Variants in COMMD7 observed in about 807,000 individuals in gnomAD.
COMMD7 encodes the protein COMM domain-containing protein 7.
Under a neutral mutation model 34.8 loss-of-function variants are expected in COMMD7, and 28 were observed. The ratio of observed to expected loss-of-function variants is 0.80; its 90% confidence interval spans 0.60 to 1.10. COMMD7 has a LOEUF of 1.10. COMMD7 is among the 50% of genes least tolerant of loss of function. The pLI is 0.00. For synonymous variants in COMMD7, 80 were observed against 86.4 expected (o/e 0.93, Z 0.41); for missense variants, 211 against 241.6 (o/e 0.87, Z 0.84).
chr20:32,710,069 T>TAG (rs1210761984), intron 3 of COMMD7, among the ~76,000 whole-genome samples: 1 of 151,622 alleles, frequency 6.6e-6, no homozygotes, highest in Admixed American at 6.6e-5. Flanking sequence ...TTTCTAGAGA[T>TAG]AGAGTCTCAC....
intron 3 of COMMD7, among the ~76,000 whole-genome samples, chr20:32,719,844 C>T (rs1411684435): frequency 6.6e-6 from 1 of 151,976 alleles, no homozygotes; most frequent in African/African-American, 2.4e-5. Flanking sequence ...CCTATAATCC[C>T]AGCTACTTGG....
At chr20:32,725,175 TCTAA>T in intron 3 of COMMD7, among the ~76,000 whole-genome samples, 1 of 151,894 alleles carries the variant, frequency 6.6e-6, no homozygotes, top group Admixed American at 6.6e-5. Flanking sequence ...ATTATATCCA[TCTAA>T]AGAATGAAGG....
intron 3 of COMMD7, 47 bp downstream of exon 3, chr20:32,727,846 G>A (rs1985603596): frequency 4.2e-6 from 6 of 1,442,284 alleles, no homozygotes; most frequent in Non-Finnish European, 5.9e-6. Flanking sequence ...CTAAAGGAAT[G>A]TTCAAGTTAA....
chr20:32,718,297 G>A (rs763237626), intron 3 of COMMD7, among the ~76,000 whole-genome samples: 1 of 151,936 alleles, frequency 6.6e-6, no homozygotes, highest in South Asian at 2.1e-4. Context: ...CCAGCTACTC[G>A]GGAGGTTGAG....
intron 1 of COMMD7, among the ~76,000 whole-genome samples, chr20:32,741,011 T>C (rs1290638916): frequency 1.3e-5 from 2 of 151,354 alleles, no homozygotes; most frequent in Non-Finnish European, 2.9e-5. Context: ...GGCATGGTGG[T>C]GCACGCCTGT....
intron 3 of COMMD7, among the ~76,000 whole-genome samples, chr20:32,719,193 T>A (rs942383657): frequency 6.6e-6 from 1 of 152,174 alleles, no homozygotes; most frequent in Non-Finnish European, 1.5e-5. Flanking sequence ...TGATCCAAGT[T>A]GTGCTGTAGT....
rs533747329 is a variant in COMMD7, at chr20:32,718,410, A to G, written c.241+9483T>C. On this transcript the variant is annotated intron_variant, in intron 3 of 8. Coordinates refer to ENST00000278980, the MANE Select transcript of COMMD7 (RefSeq NM_053041.3). ...CAGAGCGAAACTCCATCTAAAAAAAAAAGGGGGGCCGGACGCAGTGGCTCA... is the reference window on the plus strand; with the variant it reads ...CAGAGCGAAACTCCATCTAAAAAAAGAAGGGGGGCCGGACGCAGTGGCTCA... Among the ~76,000 whole-genome samples, 12 of 151,738 alleles carry G rather than the reference A, an allele frequency of 7.9e-5. No homozygotes were observed. In the East Asian group the frequency reaches 2.1e-3, roughly 27 times the overall value.
chr20:32,713,037 CT>C (rs1568777099), intron 3 of COMMD7, among the ~76,000 whole-genome samples: 1 of 148,210 alleles, frequency 6.7e-6, no homozygotes, highest in East Asian at 2.0e-4. Flanking sequence ...CGTCCTCTTT[CT>C]TTTTTAATTT....
chr20:32,714,092 A>G (rs1295334226), intron 3 of COMMD7, among the ~76,000 whole-genome samples: 2 of 152,152 alleles, frequency 1.3e-5, no homozygotes, highest in African/African-American at 4.8e-5. Flanking sequence ...CAGCCTGGGC[A>G]ATAGAGTGTG....
chr20:32,727,265 C>T (rs993112700), intron 3 of COMMD7, among the ~76,000 whole-genome samples: 11 of 151,386 alleles, frequency 7.3e-5, no homozygotes, highest in African/African-American at 2.7e-4. Context: ...TTATTAGATT[C>T]AGGCCGGGTA....
chr20:32,734,204 G>A (rs1331238635), intron 1 of COMMD7, among the ~76,000 whole-genome samples: 76 of 140,754 alleles, frequency 5.4e-4, no homozygotes, highest in Non-Finnish European at 9.6e-4. Context: ...AAAAAGTGCC[G>A]TGCCTCACGC....
chr20:32,706,271 T>C (rs182358221), intron 5 of COMMD7, among the ~76,000 whole-genome samples: 10 of 151,068 alleles, frequency 6.6e-5, no homozygotes, highest in African/African-American at 2.4e-4. Context: ...CCCAGCACTT[T>C]GGGAGGCCAA....
At chr20:32,720,503 G>C (rs1437882346) in intron 3 of COMMD7, among the ~76,000 whole-genome samples, 1 of 151,370 alleles carries the variant, frequency 6.6e-6, no homozygotes, top group Admixed American at 6.6e-5. Flanking sequence ...CTCAGAAAAA[G>C]AAAAAGAAAG....
At chr20:32,711,681 T>C (rs1488801512) in intron 3 of COMMD7, among the ~76,000 whole-genome samples, 4 of 152,064 alleles carry the variant, frequency 2.6e-5, no homozygotes, top group Non-Finnish European at 4.4e-5. Flanking sequence ...GAAACATGGA[T>C]TGGCATCATG....
chr20:32,720,918 T>C (rs1024236076), intron 3 of COMMD7, among the ~76,000 whole-genome samples: 11 of 152,230 alleles, frequency 7.2e-5, no homozygotes, highest in African/African-American at 2.4e-4. Flanking sequence ...ACCTTGCTTC[T>C]AACTATGGCT....
Position 32,728,421 on chromosome 20 carries a change from A to G in COMMD7, c.85-279T>C, listed in dbSNP as rs1475020917. Among the ~76,000 whole-genome samples, 4 of 142,578 alleles carry G rather than the reference A, an allele frequency of 2.8e-5. No individual in the cohort carries two copies. In the Admixed American group the frequency reaches 2.9e-4, roughly 10 times the overall value. The allele number at this position is 142,578 out of a possible 152,430, so 93.5% of individuals were successfully genotyped here. A position where few individuals can be genotyped will look rare whatever the true frequency, so the allele number is the denominator to read the frequency against. On this transcript the variant is annotated intron_variant, in intron 1 of 8. Transcript: ENST00000278980. Reference sequence around the variant, plus strand: ...CACTCAGATGCACACATATATCTCTAGGACACAGACACACACAGACAGACA... The same window carrying G: ...CACTCAGATGCACACATATATCTCTGGGACACAGACACACACAGACAGACA...
chr20:32,743,236 G>GGGCCCCCCCCCCCCCCCCCCCCGCCCCCC, intron 1 of COMMD7, 72 bp downstream of exon 1: 1 of 555,858 alleles, frequency 1.8e-6, no homozygotes. Context: ...ACCCCCGGAC[G>GGGCCCCCCCCCCCCCCCCCCCCGCCCCCC]TCCCCCCCAC....
chr20:32,709,125 T>C (rs1368731974), intron 3 of COMMD7, among the ~76,000 whole-genome samples: 1 of 151,884 alleles, frequency 6.6e-6, no homozygotes, highest in Non-Finnish European at 1.5e-5. Context: ...TTTAGCAATG[T>C]GGATAGTAGG....
chr20:32,707,731 C>T (rs1984186930), intron 3 of COMMD7, among the ~76,000 whole-genome samples: 1 of 151,776 alleles, frequency 6.6e-6, no homozygotes, highest in Non-Finnish European at 1.5e-5. Flanking sequence ...AGCAACTGGT[C>T]TGAGGAATGA....
Sources: allele counts gnomAD v4.1 joint callset (sites outside exome capture counted in the v4.1 genomes callset), GRCh38; gene constraint gnomAD v4.1.1; transcripts MANE v1.5; gene names NCBI Gene and HGNC (gene_info 2026-07-23, HGNC 2026-07-21).